MCF2L2: variants seen among roughly 807,000 people sequenced by gnomAD.
MCF2L2 encodes MCF.2 cell line derived transforming sequence-like 2.
Under a neutral mutation model 150.2 loss-of-function variants are expected in MCF2L2, and 102 were observed. That is an observed-to-expected ratio of 0.68 (90% CI 0.58 to 0.80). The LOEUF (loss-of-function observed/expected upper bound fraction) is 0.80. MCF2L2 is among the 30% of genes least tolerant of loss of function. The pLI is 0.00. For missense variants in MCF2L2, 1,256 were observed against 1,372.8 expected (o/e 0.91, Z 1.34); for synonymous variants, 465 against 491.3 (o/e 0.95, Z 0.71).
intron 15 of MCF2L2, among the ~76,000 whole-genome samples, chr3:183,247,486 A>G (rs16857199): frequency 0.12 from 18,017 of 152,140 alleles, 3,082 homozygotes; most frequent in African/African-American, 0.37. Flanking sequence ...CGGATAGGAA[A>G]ACCTCATTAC....
intron 3 of MCF2L2, among the ~76,000 whole-genome samples, chr3:183,360,367 T>G (rs1384651121): frequency 6.6e-6 from 1 of 152,020 alleles, no homozygotes; most frequent in East Asian, 1.9e-4. Flanking sequence ...CAGGAGTTCA[T>G]GATCAGCCTG....
intron 6 of MCF2L2, among the ~76,000 whole-genome samples, chr3:183,320,011 G>A (rs1056002118): frequency 4.6e-5 from 7 of 151,952 alleles, no homozygotes. Context: ...AGTTATGGAA[G>A]TCTTAGATGA....
intron 5 of MCF2L2, among the ~76,000 whole-genome samples, chr3:183,327,198 G>A (rs1376144506): frequency 4.6e-5 from 7 of 152,082 alleles, no homozygotes; most frequent in South Asian, 4.2e-4. Context: ...GGTGGCAGTC[G>A]CCTGTAATCC....
chr3:183,256,765 T>TA (rs1489255464), intron 15 of MCF2L2, among the ~76,000 whole-genome samples: 2 of 152,222 alleles, frequency 1.3e-5, no homozygotes, highest in African/African-American at 4.8e-5. Flanking sequence ...TTCCTTCTCT[T>TA]ACTTTAGAGG....
At position 183,428,318 on chromosome 3, in the gene MCF2L2, T is replaced by C; in HGVS notation, c.-341A>G. ...AGCTCCGGGGCTTCCAGAATCGCGGTCCCGGCCGCCAGGTTTCCGGCGCCG... is the reference window on the plus strand; with the variant it reads ...AGCTCCGGGGCTTCCAGAATCGCGGCCCCGGCCGCCAGGTTTCCGGCGCCG... On this transcript the variant is annotated 5_prime_UTR_variant, in exon 1 of 30. Transcript: ENST00000328913. The surrounding 1 kb of genome is among the most constrained non-coding windows in gnomAD (Gnocchi z 5.1). The C allele has an allele frequency of 3.4e-6, 1 of 291,718 alleles. No individual in the cohort carries two copies. Among genetic ancestry groups the C allele is most frequent in the Non-Finnish European group, 6.4e-6 (1 of 155,680 alleles). The allele number at this position is 291,718 out of a possible 1,614,324, so 18.1% of individuals were successfully genotyped here. A position where few individuals can be genotyped will look rare whatever the true frequency, so the allele number is the denominator to read the frequency against.
intron 20 of MCF2L2, among the ~76,000 whole-genome samples, chr3:183,221,324 A>G (rs757182810): frequency 1.3e-5 from 2 of 152,132 alleles, no homozygotes; most frequent in African/African-American, 4.8e-5. Flanking sequence ...TTTAACCTGT[A>G]TTATCTCATT....
At chr3:183,400,530 A>G (rs552763913) in intron 1 of MCF2L2, 1 of 454,914 alleles carries the variant, frequency 2.2e-6, no homozygotes. Flanking sequence ...CTCGCTCTCC[A>G]TTTCTCTCTA....
At chr3:183,318,031 A>G (rs549581504) in intron 7 of MCF2L2, 37 bp downstream of exon 7, 1 of 1,606,182 alleles carries the variant, frequency 6.2e-7, no homozygotes, top group East Asian at 2.2e-5. Flanking sequence ...ACCTGCTGGC[A>G]CAGACACTGG....
intron 22 of MCF2L2, among the ~76,000 whole-genome samples, chr3:183,211,288 C>T (rs1722712764): frequency 6.6e-6 from 1 of 152,132 alleles, no homozygotes; most frequent in African/African-American, 2.4e-5. Context: ...GCGAACTTGG[C>T]TTTGCCATCG....
chr3:183,249,142 C>T (rs1401387382), intron 15 of MCF2L2, among the ~76,000 whole-genome samples: 2 of 152,222 alleles, frequency 1.3e-5, no homozygotes, highest in Non-Finnish European at 2.9e-5. Flanking sequence ...AAATGTCACT[C>T]CCTCACTCAA....
At position 183,379,347 on chromosome 3, in the gene MCF2L2, G is replaced by C. The variant is rs1358894787; in HGVS notation, c.225C>G (p.Ile75Met). 1 of 1,610,906 alleles carries C rather than the reference G, an allele frequency of 6.2e-7. No homozygotes were observed. The highest frequency in any genetic ancestry group is 8.5e-7 in the Non-Finnish European group (1 of 1,178,692). ...TGACATTCAGGAAGTCTTCATCTGG[G>C]ATGTGTTTGAACCCCGAAAACTCTG... is the stretch of plus-strand genomic sequence containing the variant. ...TFPEFSGFKH[I>M]PDEDFLNVMT... is the part of the protein sequence containing the mutation. The change falls in exon 3 of 30, where the codon ATC (isoleucine) becomes ATG (methionine). Residue 75 changes from isoleucine (I) to methionine (M), a missense_variant. Coordinates refer to ENST00000328913, the MANE Select transcript of MCF2L2 (RefSeq NM_015078.4).
chr3:183,227,990 A>C lies in MCF2L2; in HGVS notation c.2115+307T>G. On this transcript the variant is annotated intron_variant, in intron 18 of 29. Transcript: ENST00000328913. The surrounding 1 kb of genome is among the most constrained non-coding windows in gnomAD (Gnocchi z 4.0). ...CCCTGGCAACCACCCTTCTACTTCA[A>C]TGAGCTCAACTGTTTTTGGATTATA... 5.1e-6 allele frequency: 1 copy of C among 197,610 alleles called. No individual in the cohort carries two copies. Among genetic ancestry groups the C allele is most frequent in the Non-Finnish European group, 1.0e-5 (1 of 98,372 alleles). The allele number at this position is 197,610 out of a possible 1,614,324, so 12.2% of individuals were successfully genotyped here.
intron 15 of MCF2L2, among the ~76,000 whole-genome samples, chr3:183,255,648 A>G (rs1724974589): frequency 6.6e-6 from 1 of 152,182 alleles, no homozygotes; most frequent in Admixed American, 6.5e-5. Context: ...TAGGAGGTAG[A>G]GATGCTTATA....
chr3:183,256,682 TTTCCTATAAC>T (rs962227736), intron 15 of MCF2L2, among the ~76,000 whole-genome samples: 6 of 152,232 alleles, frequency 3.9e-5, no homozygotes, highest in Admixed American at 2.0e-4. Context: ...CTTTTGCTCC[TTTCCTATAAC>T]TTCCTATAAC....
chr3:183,426,347 G>A (rs1383101785), intron 1 of MCF2L2, among the ~76,000 whole-genome samples: 3 of 152,310 alleles, frequency 2.0e-5, no homozygotes, highest in African/African-American at 4.8e-5. Flanking sequence ...GGGAGGCTTC[G>A]CCCTGAGAGA....
intron 1 of MCF2L2, among the ~76,000 whole-genome samples, chr3:183,416,783 A>C (rs1013085048): frequency 7.9e-5 from 12 of 152,292 alleles, no homozygotes; most frequent in South Asian, 2.1e-4. Context: ...AACTATTTAC[A>C]CAGCATTTAT....
intron 6 of MCF2L2, among the ~76,000 whole-genome samples, chr3:183,318,644 T>C: frequency 6.6e-6 from 1 of 152,190 alleles, no homozygotes; most frequent in East Asian, 1.9e-4. Flanking sequence ...CCTAGTTATA[T>C]ATACAGGCAA....
intron 1 of MCF2L2, among the ~76,000 whole-genome samples, chr3:183,414,220 G>A (rs1053811251): frequency 1.2e-4 from 19 of 152,176 alleles, no homozygotes; most frequent in Admixed American, 6.5e-5. Context: ...TTTTGTGCGG[G>A]TGGGTAAGTT....
intron 19 of MCF2L2, 120 bp from the exon 20 acceptor site, chr3:183,223,558 C>T (rs1723222497): frequency 4.3e-6 from 3 of 691,668 alleles, no homozygotes; most frequent in African/African-American, 3.5e-5. Context: ...GCAGCTGTGT[C>T]GAGCAGCTCC....
Sources: gnomAD v4.1 joint callset for allele counts (sites outside exome capture counted in the v4.1 genomes callset) on GRCh38, gnomAD v4.1.1 for gene constraint, Gnocchi (gnomAD v3.1) non-coding constraint, MANE v1.5 for transcripts, NCBI Gene and HGNC (gene_info 2026-07-23, HGNC 2026-07-21) for gene names.